Variants in CPPED1 observed in about 807,000 individuals in gnomAD.
CPPED1 encodes the protein serine/threonine-protein phosphatase CPPED1.
A neutral mutation model predicts 28.0 loss-of-function variants in CPPED1; 28 were observed. That is an observed-to-expected ratio of 1.00 (90% confidence interval 0.74 to 1.37). The LOEUF is 1.37. CPPED1 is among the 40% of genes most tolerant of loss of function. The pLI, the probability that CPPED1 is intolerant of heterozygous loss-of-function variation, is 0.00. For missense variants in CPPED1, 504 were observed against 416.5 expected (o/e 1.21, Z -1.83); for synonymous variants, 198 against 180.2 (o/e 1.10, Z -0.79).
intron 2 of CPPED1, among the ~76,000 whole-genome samples, chr16:12,714,053 A>G (rs1818323510): frequency 6.6e-6 from 1 of 152,100 alleles, no homozygotes; most frequent in Non-Finnish European, 1.5e-5. Context: ...TTTGTTACTG[A>G]TCTTTCACTT....
intron 2 of CPPED1, among the ~76,000 whole-genome samples, chr16:12,719,672 C>T (rs118092906): frequency 0.027 from 4,090 of 152,204 alleles, 73 homozygotes; most frequent in East Asian, 0.1. Context: ...CGGTCACTCA[C>T]GCCTGTAATC....
chr16:12,733,056 T>C (rs952039952), intron 2 of CPPED1, among the ~76,000 whole-genome samples: 2 of 152,158 alleles, frequency 1.3e-5, no homozygotes, highest in African/African-American at 4.8e-5. Context: ...TTTAAATTTA[T>C]TGACGGGAAA....
At chr16:12,687,314 T>C (rs1205430758) in intron 3 of CPPED1, among the ~76,000 whole-genome samples, 4 of 152,182 alleles carry the variant, frequency 2.6e-5, no homozygotes, top group Non-Finnish European at 5.9e-5. Context: ...GATCTGTCTT[T>C]ACATTTTTTA....
At chr16:12,792,397 A>G (rs563391491) in intron 1 of CPPED1, among the ~76,000 whole-genome samples, 1 of 152,330 alleles carries the variant, frequency 6.6e-6, no homozygotes, top group Non-Finnish European at 1.5e-5. Context: ...TCCAGTGGAT[A>G]AAGGCTGGAG....
intron 3 of CPPED1, among the ~76,000 whole-genome samples, chr16:12,674,558 G>A (rs1487531809): frequency 3.3e-5 from 5 of 152,118 alleles, no homozygotes; most frequent in African/African-American, 7.2e-5. Flanking sequence ...GAAAGGAGGC[G>A]GGGCCTGGAA....
intron 3 of CPPED1, among the ~76,000 whole-genome samples, chr16:12,665,808 C>T (rs2079822516): frequency 6.6e-6 from 1 of 152,154 alleles, no homozygotes; most frequent in Non-Finnish European, 1.5e-5. Context: ...GCCTGCAGTC[C>T]CAGCTACCTG....
At chr16:12,695,595 C>T (rs966126569) in intron 3 of CPPED1, among the ~76,000 whole-genome samples, 1 of 152,100 alleles carries the variant, frequency 6.6e-6, no homozygotes, top group African/African-American at 2.4e-5. Context: ...TAATTTCAGC[C>T]AAAGGTTTCT....
At chr16:12,687,627 T>C (rs1028129294) in intron 3 of CPPED1, among the ~76,000 whole-genome samples, 28 of 152,040 alleles carry the variant, frequency 1.8e-4, no homozygotes, top group African/African-American at 6.8e-4. Context: ...AAAAACTAGC[T>C]AGGCGTGGTG....
intron 1 of CPPED1, 93 bp from the exon 2 acceptor site, chr16:12,781,496 T>C (rs1330986568): frequency 8.9e-7 from 1 of 1,118,252 alleles, no homozygotes; most frequent in East Asian, 2.6e-5. Context: ...TACACTATTT[T>C]TCTTAAATTA....
At chr16:12,801,001 T>C (rs1320995645) in intron 1 of CPPED1, among the ~76,000 whole-genome samples, 1 of 152,228 alleles carries the variant, frequency 6.6e-6, no homozygotes, top group African/African-American at 2.4e-5. Context: ...TGAGAGCATG[T>C]AACTTGAACC....
chr16:12,676,508 A>G (rs1485054177), intron 3 of CPPED1, among the ~76,000 whole-genome samples: 2 of 152,182 alleles, frequency 1.3e-5, no homozygotes, highest in East Asian at 3.9e-4. Flanking sequence ...TGAGGGAATG[A>G]GGCGAGGACA....
chr16:12,712,956 T>G (rs1338668667), intron 2 of CPPED1, among the ~76,000 whole-genome samples: 1 of 152,178 alleles, frequency 6.6e-6, no homozygotes, highest in Non-Finnish European at 1.5e-5. Flanking sequence ...AATTAGATCT[T>G]GTTAAGTAAA....
At chr16:12,699,501 A>G (rs986373138) in intron 3 of CPPED1, among the ~76,000 whole-genome samples, 1 of 152,146 alleles carries the variant, frequency 6.6e-6, no homozygotes, top group African/African-American at 2.4e-5. Flanking sequence ...TCCCATTTTT[A>G]AAAATTAATG....
In CPPED1 at chr16:12,664,508, G is replaced by T; in HGVS notation, c.*378C>A. On this transcript the variant is annotated 3_prime_UTR_variant, in exon 4 of 4. Transcript: ENST00000381774. This position sits in a 1 kb window ranked among gnomAD's most constrained non-coding sequence, Gnocchi z 4.2. ...GTAGTTTGTTTAAGGAATTATCAAA[G>T]ATCATACTTGGCTGTCAGATTGGAA... 1.9e-6 allele frequency: 2 copies of T among 1,064,298 alleles called. No homozygotes were observed. The highest frequency in any genetic ancestry group is 2.3e-6 in the Non-Finnish European group (2 of 880,278). 65.9% of individuals were successfully genotyped at this position (1,064,298 alleles called of 1,614,324 possible).
chr16:12,752,651 T>A (rs2080337437), intron 2 of CPPED1, among the ~76,000 whole-genome samples: 1 of 147,158 alleles, frequency 6.8e-6, no homozygotes, highest in African/African-American at 2.5e-5. Context: ...TATGTTTATA[T>A]ATTATATGAT....
intron 2 of CPPED1, among the ~76,000 whole-genome samples, chr16:12,710,697 A>T (rs1340248396): frequency 6.6e-6 from 1 of 152,218 alleles, no homozygotes; most frequent in Admixed American, 6.5e-5. Flanking sequence ...ACATTTCTCC[A>T]AAGAGGATAT....
intron 3 of CPPED1, among the ~76,000 whole-genome samples, chr16:12,703,000 G>T (rs981061566): frequency 7.1e-6 from 1 of 141,392 alleles, no homozygotes; most frequent in African/African-American, 2.7e-5. Context: ...TGACAAGAGC[G>T]GGACTCCGTC....
chr16:12,787,507 T>C (rs1237858712), intron 1 of CPPED1, among the ~76,000 whole-genome samples: 1 of 151,290 alleles, frequency 6.6e-6, no homozygotes, highest in African/African-American at 2.4e-5. Context: ...TCGGTTCAAG[T>C]GATTCTCCCA....
intron 2 of CPPED1, among the ~76,000 whole-genome samples, chr16:12,733,206 T>C (rs778199197): frequency 1.3e-5 from 2 of 151,934 alleles, no homozygotes; most frequent in Non-Finnish European, 2.9e-5. Flanking sequence ...TTGTGAATGA[T>C]GTTTAAAATA....
Sources: gnomAD v4.1 joint callset for allele counts (sites outside exome capture counted in the v4.1 genomes callset) on GRCh38, gnomAD v4.1.1 for gene constraint, Gnocchi (gnomAD v3.1) non-coding constraint, MANE v1.5 for transcripts, NCBI Gene and HGNC (gene_info 2026-07-23, HGNC 2026-07-21) for gene names.